Variants in AFDN observed in about 807,000 individuals in gnomAD.
AFDN encodes afadin, adherens junction formation factor.
In AFDN, 68 loss-of-function variants were observed where a neutral mutation model predicts 216.6. The observed-to-expected ratio is 0.31, with a 90% CI of 0.26 to 0.38. AFDN has a LOEUF of 0.38. Among genes scored for constraint, AFDN ranks in the 10% least tolerant of loss-of-function variants. The pLI is 1.00. For synonymous variants in AFDN, 868 were observed against 853.7 expected (o/e 1.02, Z -0.29); for missense variants, 2,136 against 2,342.0 (o/e 0.91, Z 1.82).
chr6:167,896,214 G>A (rs145638675), intron 9 of AFDN, among the ~76,000 whole-genome samples: 1,526 of 141,298 alleles, frequency 0.011, 29 homozygotes, highest in African/African-American at 0.037. Flanking sequence ...GTTCATAAAG[G>A]TATAAAATGA....
chr6:167,864,529 G>T, intron 1 of AFDN, 22 bp from the exon 2 acceptor site: 2 of 1,595,652 alleles, frequency 1.3e-6, no homozygotes, highest in South Asian at 2.2e-5. Flanking sequence ...TTCCAAAAAT[G>T]TACCATTTTG....
At chr6:167,862,326 A>G (rs1242110541) in intron 1 of AFDN, among the ~76,000 whole-genome samples, 1 of 151,612 alleles carries the variant, frequency 6.6e-6, no homozygotes, top group Non-Finnish European at 1.5e-5. Flanking sequence ...CCTAAGACTC[A>G]CAGGTTTATA....
intron 5 of AFDN, among the ~76,000 whole-genome samples, chr6:167,877,552 ACT>A (rs764534391): frequency 1.4e-4 from 21 of 152,072 alleles, no homozygotes; most frequent in Non-Finnish European, 2.9e-4. Flanking sequence ...CTATATGTAG[ACT>A]CTGAGGAAAC....
At position 167,969,841 on chromosome 6, in the gene AFDN, G is replaced by T; in HGVS notation, c.5402G>T (p.Arg1801Leu). 6.2e-7 allele frequency: 1 copy of T among 1,613,092 alleles called. No homozygotes were observed. Among genetic ancestry groups the T allele is most frequent in the Non-Finnish European group, 8.5e-7 (1 of 1,179,668 alleles). The change falls in exon 34 of 34, where the codon CGC (arginine) becomes CTC (leucine). Residue 1801 changes from arginine to leucine, a missense_variant. Coordinates refer to ENST00000683244, the MANE Select transcript of AFDN (RefSeq NM_001386888.1). ...CCTGAAAACTTGACATTCAAGGAAC[G>T]CCAGCGTCTTTTTTCACAAGGTCAA... ...GAPENLTFKERQRLFSQGQDV... is the reference protein window; with the variant it reads ...GAPENLTFKELQRLFSQGQDV...
Position 167,951,222 on chromosome 6 carries a change from A to G in AFDN, c.3868A>G (p.Lys1290Glu), listed in dbSNP as rs1256246079. 3 of 1,588,710 alleles carry G rather than the reference A, an allele frequency of 1.9e-6. No individual in the cohort carries two copies. The highest frequency in any genetic ancestry group is 4.5e-5 in the East Asian group (2 of 44,670). The change falls in exon 30 of 34, where the codon AAA (lysine) becomes GAA (glutamate). Residue 1290 changes from lysine to glutamate, a missense_variant. Coordinates refer to ENST00000683244, the MANE Select transcript of AFDN (RefSeq NM_001386888.1). This position sits in a 1 kb window ranked among gnomAD's most constrained non-coding sequence, Gnocchi z 7.1. ...TRSQEELRED[K>E]AYQLERHRIE... ...TTCCCAAGAAGAACTTCGAGAAGAT[A>G]AAGCTTACCAACTTGAGCGGCATCG...
chr6:167,916,011 T>C (rs1011006058), intron 19 of AFDN, among the ~76,000 whole-genome samples: 1 of 152,206 alleles, frequency 6.6e-6, no homozygotes, highest in African/African-American at 2.4e-5. Context: ...TGTCAAAAAC[T>C]GAGTGGCTTA....
At chr6:167,916,968 A>G in intron 19 of AFDN, 121 bp from the exon 20 acceptor site, 2 of 855,072 alleles carry the variant, frequency 2.3e-6, no homozygotes, top group East Asian at 2.8e-5. Context: ...GTTTCCTGAA[A>G]TCATTCTGCA....
At chr6:167,947,135 G>A (rs917402741) in intron 27 of AFDN, among the ~76,000 whole-genome samples, 1 of 151,904 alleles carries the variant, frequency 6.6e-6, no homozygotes, top group African/African-American at 2.4e-5. Flanking sequence ...TCTCTATTTG[G>A]GGTTGGTAAA....
chr6:167,911,974 G>GT (rs1303516015), intron 15 of AFDN: 1 of 170,902 alleles, frequency 5.9e-6, no homozygotes, highest in Non-Finnish European at 1.3e-5. Context: ...CGCCTTCTTA[G>GT]ACTTTTTAAA....
rs544835313 is a variant in AFDN at position 167,834,325 on chromosome 6, G to T, written c.105+7088G>T. Among the ~76,000 whole-genome samples, 27 of 152,068 alleles carry T rather than the reference G, an allele frequency of 1.8e-4. No individual in the cohort carries two copies. In the East Asian group the frequency reaches 4.3e-3, roughly 24 times the overall value. ...GGCCTTTGTATCCTCATAAGTGCTC[G>T]CACTTAGGAGCGAGAACATATGTTT... On this transcript the variant is annotated intron_variant, in intron 1 of 33. Transcript: ENST00000683244.
At position 167,836,891 on chromosome 6, in the gene AFDN, G is replaced by A. The variant is rs181581540; in HGVS notation, c.105+9654G>A. On this transcript the variant is annotated intron_variant, in intron 1 of 33. Coordinates refer to ENST00000683244, the MANE Select transcript of AFDN (RefSeq NM_001386888.1). The stretch of plus-strand genomic sequence containing the variant: ...TCTTTTGTAAAGCAGCTAAGCTTTC[G>A]TTGATTCAGAACTCTGCCAGGAGTA... 2.6e-5 allele frequency among the ~76,000 whole-genome samples: 4 copies of A among 152,242 alleles called. No homozygotes were observed. In the East Asian group the frequency reaches 7.7e-4, roughly 29 times the overall value.
chr6:167,873,105 A>G (rs1377940514), intron 4 of AFDN, among the ~76,000 whole-genome samples: 2 of 152,192 alleles, frequency 1.3e-5, no homozygotes, highest in African/African-American at 2.4e-5. Flanking sequence ...TCTTGACTAC[A>G]TGGTATTCTA....
At chr6:167,867,721 G>T (rs1016962747) in intron 2 of AFDN, among the ~76,000 whole-genome samples, 1 of 152,066 alleles carries the variant, frequency 6.6e-6, no homozygotes. Flanking sequence ...GTGAGCCACC[G>T]CGCCCGGTTA....
chr6:167,917,377 A>T, intron 20 of AFDN, 145 bp downstream of exon 20: 1 of 920,828 alleles, frequency 1.1e-6, no homozygotes. Context: ...GCTGTCCAAG[A>T]GTTCAATGAA....
intron 6 of AFDN, among the ~76,000 whole-genome samples, chr6:167,880,747 A>G (rs1266868596): frequency 6.6e-6 from 1 of 152,164 alleles, no homozygotes; most frequent in African/African-American, 2.4e-5. Flanking sequence ...AATTAAAGAA[A>G]ATGAAAATTA....
intron 21 of AFDN, among the ~76,000 whole-genome samples, chr6:167,919,998 TAAAA>T (rs1227770228): frequency 6.6e-6 from 1 of 152,230 alleles, no homozygotes; most frequent in African/African-American, 2.4e-5. Flanking sequence ...TTCTGATAGT[TAAAA>T]AAATCATTTT....
intron 30 of AFDN, among the ~76,000 whole-genome samples, chr6:167,952,869 A>G (rs920553279): frequency 6.6e-6 from 1 of 152,240 alleles, no homozygotes; most frequent in Non-Finnish European, 1.5e-5. Context: ...ATTGTAGCAT[A>G]AAGATATTGA....
intron 16 of AFDN, chr6:167,913,636 A>C: frequency 1.8e-6 from 1 of 555,214 alleles, no homozygotes; most frequent in East Asian, 3.0e-5. Flanking sequence ...GTGGATATGA[A>C]ATGACAAAAG....
At chr6:167,949,556 G>C (rs1347864893) in intron 29 of AFDN, among the ~76,000 whole-genome samples, 1 of 152,192 alleles carries the variant, frequency 6.6e-6, no homozygotes, top group Non-Finnish European at 1.5e-5. Flanking sequence ...AGGTGGGCCT[G>C]ATCACCTGCA....
Sources: allele counts gnomAD v4.1 joint callset (sites outside exome capture counted in the v4.1 genomes callset), GRCh38; gene constraint gnomAD v4.1.1; non-coding constraint Gnocchi (gnomAD v3.1); transcripts MANE v1.5; gene names NCBI Gene and HGNC (gene_info 2026-07-23, HGNC 2026-07-21).